Variants in SRFBP1 observed in about 807,000 individuals in gnomAD.
SRFBP1 encodes the protein serum response factor-binding protein 1.
In SRFBP1, 47 loss-of-function variants were observed where a neutral mutation model predicts 45.5. That is an observed-to-expected ratio of 1.03 (90% CI 0.82 to 1.32). The LOEUF (loss-of-function observed/expected upper bound fraction) is 1.32. SRFBP1 is among the 40% of genes most tolerant of loss of function. The pLI is 0.00. For synonymous variants in SRFBP1, 203 were observed against 166.3 expected (o/e 1.22, Z -1.70); for missense variants, 621 against 484.6 (o/e 1.28, Z -2.64).
chr5:122,005,536 T>G (rs1752956519), intron 4 of SRFBP1, among the ~76,000 whole-genome samples: 1 of 152,174 alleles, frequency 6.6e-6, no homozygotes, highest in Non-Finnish European at 1.5e-5. Context: ...ACAGATAAAA[T>G]AAGTCTCTTA....
chr5:122,070,485 G>T (rs1274897366), intron 2 of SRFBP1: 9 of 1,486,696 alleles, frequency 6.1e-6, no homozygotes, highest in Non-Finnish European at 8.4e-6. Flanking sequence ...TATTTTCAAA[G>T]GTCTTTACCT....
At chr5:122,078,302 T>C, downstream of SRFBP1, 1 of 264,936 alleles carries the variant, frequency 3.8e-6, no homozygotes, top group East Asian at 6.9e-5. Context: ...TCTGGCACGT[T>C]TGCAAAGTTA....
In SRFBP1 at chr5:121,963,500, A is replaced by G. The variant is rs1363128172; in HGVS notation, c.36+1432A>G. ...TAATGACTTTGATGATGGAAATGAC[A>G]GGGGATGAGTCATTAAAGACTCTTT... On this transcript the variant is annotated intron_variant, in intron 1 of 7. Coordinates refer to ENST00000339397, the MANE Select transcript of SRFBP1 (RefSeq NM_152546.3). Among the ~76,000 whole-genome samples, 3 of 152,150 alleles carry G rather than the reference A, an allele frequency of 2.0e-5. No homozygotes were observed. In the East Asian group the frequency reaches 5.8e-4, roughly 29 times the overall value.
At chr5:121,998,546 G>A (rs1365169630) in intron 4 of SRFBP1, among the ~76,000 whole-genome samples, 17 of 146,372 alleles carry the variant, frequency 1.2e-4, no homozygotes, top group African/African-American at 3.6e-4. Flanking sequence ...GGATAGCATT[G>A]GGAGATATAC....
chr5:122,019,233 A>G (rs749956795), intron 4 of SRFBP1, 27 bp from the exon 5 acceptor site: 1 of 1,572,930 alleles, frequency 6.4e-7, no homozygotes, highest in African/African-American at 1.4e-5. Context: ...TCATTCCCAT[A>G]CGTTTATTAT....
At chr5:121,985,398 G>A (rs1050690830) in intron 3 of SRFBP1, among the ~76,000 whole-genome samples, 1 of 151,340 alleles carries the variant, frequency 6.6e-6, no homozygotes, top group Non-Finnish European at 1.5e-5. Flanking sequence ...AAAGCTTTTA[G>A]ATTATTTTGT....
At chr5:121,969,294 A>G (rs1011997674) in intron 1 of SRFBP1, among the ~76,000 whole-genome samples, 3 of 152,146 alleles carry the variant, frequency 2.0e-5, no homozygotes, top group Admixed American at 2.0e-4. Context: ...CTTGGTATGT[A>G]GAAATACAGA....
At chr5:122,010,182 G>C (rs1753061838) in intron 4 of SRFBP1, among the ~76,000 whole-genome samples, 1 of 152,052 alleles carries the variant, frequency 6.6e-6, no homozygotes, top group Admixed American at 6.6e-5. Context: ...TGGCTTTCCA[G>C]TGTTAAAAGG....
intron 3 of SRFBP1, among the ~76,000 whole-genome samples, chr5:121,984,264 G>T (rs1251783084): frequency 6.6e-6 from 1 of 151,656 alleles, no homozygotes. Context: ...CTAGTAATTT[G>T]GTTATATTTT....
At chr5:122,059,687 G>T (rs143611255) in intron 2 of SRFBP1, among the ~76,000 whole-genome samples, 1,695 of 152,174 alleles carry the variant, frequency 0.011, 35 homozygotes, top group African/African-American at 0.038. Context: ...GTATTTTGCT[G>T]CACTGTTCTC....
At chr5:121,966,886 T>G (rs1213813662) in intron 1 of SRFBP1, among the ~76,000 whole-genome samples, 2 of 151,770 alleles carry the variant, frequency 1.3e-5, no homozygotes, top group East Asian at 3.9e-4. Context: ...TTCACGCCAT[T>G]CTTCTGCCTC....
intron 2 of SRFBP1, among the ~76,000 whole-genome samples, chr5:122,051,052 G>A (rs958516940): frequency 6.6e-6 from 1 of 152,050 alleles, no homozygotes; most frequent in African/African-American, 2.4e-5. Flanking sequence ...CTAGGTAATT[G>A]TATGATTTTG....
intron 7 of SRFBP1, 78 bp downstream of exon 7, chr5:122,022,485 T>C: frequency 8.1e-7 from 1 of 1,237,226 alleles, no homozygotes; most frequent in Non-Finnish European, 1.1e-6. Context: ...GAAATTGTTG[T>C]TGCTTAATAT....
chr5:121,985,508 G>T (rs1254748300), intron 3 of SRFBP1, among the ~76,000 whole-genome samples: 1 of 151,530 alleles, frequency 6.6e-6, no homozygotes, highest in African/African-American at 2.4e-5. Context: ...TTTAATCTAG[G>T]TAATAGAAAA....
At chr5:121,962,919 G>C (rs1223758982) in intron 1 of SRFBP1, among the ~76,000 whole-genome samples, 2 of 152,196 alleles carry the variant, frequency 1.3e-5, no homozygotes, top group Non-Finnish European at 2.9e-5. Flanking sequence ...ATATTTTCTA[G>C]TAACCTATAC....
chr5:122,041,870 CTTGT>C (rs1268142449), intron 2 of SRFBP1, among the ~76,000 whole-genome samples: 1 of 152,130 alleles, frequency 6.6e-6, no homozygotes, highest in Non-Finnish European at 1.5e-5. Context: ...ATTAGACCAC[CTTGT>C]TTATTTCTGA....
chr5:122,025,230 C>T (rs1753454614), intron 7 of SRFBP1, among the ~76,000 whole-genome samples: 1 of 151,828 alleles, frequency 6.6e-6, no homozygotes. Flanking sequence ...TTTGTCCTTG[C>T]GATGGTTTGC....
At chr5:122,018,989 C>T (rs545406825) in intron 4 of SRFBP1, among the ~76,000 whole-genome samples, 2 of 152,020 alleles carry the variant, frequency 1.3e-5, no homozygotes, top group African/African-American at 4.8e-5. Flanking sequence ...GTGCTTATCA[C>T]AATTCTGAGA....
At chr5:122,047,208 T>G (rs1307015889) in intron 2 of SRFBP1, among the ~76,000 whole-genome samples, 4 of 152,228 alleles carry the variant, frequency 2.6e-5, no homozygotes, top group African/African-American at 9.6e-5. Context: ...TAATCCATCT[T>G]GAATTAATTT....
Sources: gnomAD v4.1 joint callset for allele counts (sites outside exome capture counted in the v4.1 genomes callset) on GRCh38, gnomAD v4.1.1 for gene constraint, MANE v1.5 for transcripts, NCBI Gene and HGNC (gene_info 2026-07-23, HGNC 2026-07-21) for gene names.